The following ILDR1 variants were observed in gnomAD, a reference collection of about 807,000 sequenced individuals.
ILDR1 encodes the protein immunoglobulin like domain containing receptor 1.
ILDR1 carries 56 observed loss-of-function variants against 62.4 expected under a neutral mutation model. The ratio of observed to expected loss-of-function variants is 0.90; its 90% CI spans 0.72 to 1.12. The LOEUF (loss-of-function observed/expected upper bound fraction) is 1.12, where lower values mean the gene tolerates loss of function less well. ILDR1 is among the 50% of genes most tolerant of loss of function. ILDR1 has a pLI of 0.00. For synonymous variants in ILDR1, 284 were observed against 277.8 expected, an observed-to-expected ratio of 1.02 and a Z score of -0.22; for missense variants, 736 against 710.6, an observed-to-expected ratio of 1.04 and a Z score of -0.41.
chr3:122,061,089 C>G, the ILDR1 span, among the ~76,000 whole-genome samples: 1 of 152,040 alleles, frequency 6.6e-6, no homozygotes, highest in Non-Finnish European at 1.5e-5. Flanking sequence ...CAGATTTGCA[C>G]TAAAACATCA....
the ILDR1 span, among the ~76,000 whole-genome samples, chr3:122,051,492 A>G: frequency 6.6e-6 from 1 of 151,704 alleles, no homozygotes; most frequent in Non-Finnish European, 1.5e-5. Flanking sequence ...TCCTTTTAAT[A>G]TTTTCTATCC....
chr3:122,021,006 T>C (rs1017924554), intron 1 of ILDR1, among the ~76,000 whole-genome samples: 8 of 152,218 alleles, frequency 5.3e-5, no homozygotes, highest in Admixed American at 2.0e-4. Context: ...AAATTCGTTA[T>C]GTCTTATGGA....
chr3:122,060,829 C>T, the ILDR1 span, among the ~76,000 whole-genome samples: 3 of 152,028 alleles, frequency 2.0e-5, no homozygotes, highest in South Asian at 4.2e-4. Flanking sequence ...TTTGAGGCTT[C>T]GCAGAGGTAA....
the ILDR1 span, among the ~76,000 whole-genome samples, chr3:122,039,522 T>C: frequency 2.0e-5 from 3 of 152,112 alleles, no homozygotes; most frequent in African/African-American, 7.2e-5. Flanking sequence ...GTTGACCCCA[T>C]GTTCTTTATG....
the ILDR1 span, among the ~76,000 whole-genome samples, chr3:122,047,496 G>A: frequency 4.6e-5 from 7 of 152,242 alleles, no homozygotes; most frequent in Admixed American, 2.0e-4. Context: ...GGGCAATGGC[G>A]GGCGCCCCTC....
chr3:122,044,611 T>A, the ILDR1 span, among the ~76,000 whole-genome samples: 1 of 151,716 alleles, frequency 6.6e-6, no homozygotes, highest in East Asian at 1.9e-4. Context: ...TATTGGTTTA[T>A]TCAGAGATTC....
At chr3:122,029,583 G>C in the ILDR1 span, among the ~76,000 whole-genome samples, 3 of 151,074 alleles carry the variant, frequency 2.0e-5, no homozygotes, top group South Asian at 6.3e-4. Context: ...CCTGAGGAGG[G>C]AGAGAGGAGA....
chr3:122,057,669 A>C, the ILDR1 span, among the ~76,000 whole-genome samples: 1 of 152,224 alleles, frequency 6.6e-6, no homozygotes, highest in Non-Finnish European at 1.5e-5. Flanking sequence ...GTGATGTGTG[A>C]TAATTTATAA....
At chr3:122,060,037 C>A in the ILDR1 span, among the ~76,000 whole-genome samples, 6 of 152,110 alleles carry the variant, frequency 3.9e-5, no homozygotes, top group Admixed American at 3.9e-4. Flanking sequence ...GTTTAAGCCA[C>A]CCCAGTTTGT....
intron 1 of ILDR1, among the ~76,000 whole-genome samples, chr3:122,019,309 G>A (rs950332200): frequency 6.6e-6 from 1 of 152,118 alleles, no homozygotes; most frequent in African/African-American, 2.4e-5. Flanking sequence ...AAGATAATAT[G>A]TAATATCCAT....
chr3:122,040,697 T>C, the ILDR1 span, among the ~76,000 whole-genome samples: 3 of 117,160 alleles, frequency 2.6e-5, no homozygotes, highest in Non-Finnish European at 5.5e-5. Flanking sequence ...CAACAAATAA[T>C]GCTAGAACAA....
the ILDR1 span, among the ~76,000 whole-genome samples, chr3:122,031,065 C>T: frequency 1.3e-5 from 2 of 152,218 alleles, no homozygotes; most frequent in Non-Finnish European, 2.9e-5. Context: ...TACTCCAAAG[C>T]TCATGGCCCT....
Position 121,993,920 on chromosome 3 carries a change from T to A in ILDR1, c.829A>T (p.Asn277Tyr). 1.9e-6 allele frequency: 3 copies of A among 1,613,524 alleles called. No homozygotes were observed. Among genetic ancestry groups the A allele is most frequent in the Non-Finnish European group, 2.5e-6 (3 of 1,180,018 alleles). Residue 277 changes from asparagine to tyrosine, a missense_variant, in exon 7 of 8, where the codon AAT (asparagine) becomes TAT (tyrosine). By Grantham distance (143) the Asn-to-Tyr change is moderately radical (BLOSUM62 -2). Transcript: ENST00000344209. ...LPQMPMTQTT[N>Y]QPPIANGVLE... Reference sequence around the variant, plus strand: ...ACACCATTGGCGATGGGAGGCTGATTGGTGGTCTGGGTCATTGGCATCTGC... The same window carrying A: ...ACACCATTGGCGATGGGAGGCTGATAGGTGGTCTGGGTCATTGGCATCTGC...
At chr3:122,000,981 C>A (rs2071515232) in intron 5 of ILDR1, among the ~76,000 whole-genome samples, 1 of 152,164 alleles carries the variant, frequency 6.6e-6, no homozygotes, top group Admixed American at 6.5e-5. Flanking sequence ...CTCCAGCCCA[C>A]CTTATGTCTA....
At chr3:122,010,376 A>T (rs1037225291) in intron 1 of ILDR1, among the ~76,000 whole-genome samples, 3 of 152,196 alleles carry the variant, frequency 2.0e-5, no homozygotes, top group African/African-American at 7.2e-5. Context: ...GTTTTTAGGA[A>T]GATAGATGAC....
chr3:122,040,735 AAG>A, the ILDR1 span, among the ~76,000 whole-genome samples: 2 of 122,442 alleles, frequency 1.6e-5, no homozygotes, highest in African/African-American at 3.5e-5. Flanking sequence ...AAAAAAAAAA[AAG>A]AAAAAAAAAA....
intron 5 of ILDR1, 130 bp from the exon 6 acceptor site, chr3:121,994,443 G>A (rs913982754): frequency 3.6e-6 from 4 of 1,103,174 alleles, no homozygotes; most frequent in South Asian, 1.7e-5. Flanking sequence ...ATTTTGCATG[G>A]GAGTAAGGGT....
rs2071268684 is a variant in ILDR1 at position 121,987,536 on chromosome 3, A to C, written c.*831T>G. On this transcript the variant is annotated 3_prime_UTR_variant, in exon 8 of 8. Transcript: ENST00000344209. ...GCTGGTGCAAAACTGCTTCTCTGTG[A>C]TTTTCTACACTTACAATAAATAGTC... 6.6e-6 allele frequency: 1 copy of C among 152,154 alleles called. No homozygotes were observed. The highest frequency in any genetic ancestry group is 1.5e-5 in the Non-Finnish European group (1 of 68,046). The allele number at this position is 152,154 out of a possible 1,614,324, so 9.4% of individuals were successfully genotyped here. A position where few individuals can be genotyped will look rare whatever the true frequency, so the allele number is the denominator to read the frequency against.
At chr3:121,991,741 C>T (rs2071350585) in intron 7 of ILDR1, among the ~76,000 whole-genome samples, 1 of 152,212 alleles carries the variant, frequency 6.6e-6, no homozygotes, top group Non-Finnish European at 1.5e-5. Flanking sequence ...ACAAATCACT[C>T]TCTCACCAAG....
Sources: gnomAD v4.1 joint callset for allele counts (sites outside exome capture counted in the v4.1 genomes callset) on GRCh38, gnomAD v4.1.1 for gene constraint, MANE v1.5 for transcripts, NCBI Gene and HGNC (gene_info 2026-07-23, HGNC 2026-07-21) for gene names.